SUMF2: variants seen among roughly 807,000 people sequenced by gnomAD.
SUMF2 encodes inactive C-alpha-formylglycine-generating enzyme 2.
A neutral mutation model predicts 44.8 loss-of-function variants in SUMF2; 45 were observed. The ratio of observed to expected loss-of-function variants is 1.00; its 90% CI spans 0.79 to 1.29. The LOEUF is 1.29. SUMF2 is among the 50% of genes most tolerant of loss of function. The pLI, the probability that SUMF2 is intolerant of heterozygous loss-of-function variation, is 0.00. For synonymous variants in SUMF2, 148 were observed against 150.4 expected (o/e 0.98, Z 0.12); for missense variants, 418 against 389.9 (o/e 1.07, Z -0.61).
chr7:56,076,794 C>G (rs772583556), intron 5 of SUMF2, 40 bp from the exon 6 acceptor site: 1 of 1,546,778 alleles, frequency 6.5e-7, no homozygotes, highest in Non-Finnish European at 8.8e-7. Context: ...CCTAATTCTT[C>G]ACCTCCCCCT....
chr7:56,078,393 G>A lies in SUMF2; in HGVS notation c.706G>A (p.Glu236Lys). The A allele has an allele frequency of 6.2e-7, 1 of 1,611,480 alleles. No individual in the cohort carries two copies. Among genetic ancestry groups the A allele is most frequent in the Admixed American group, 1.7e-5 (1 of 59,724 alleles). The change falls in exon 8 of 9, where the codon GAG becomes AAG. Residue 236 changes from glutamate (E) to lysine (K), a missense_variant. Physicochemically the swap from Glu to Lys is moderately conservative, Grantham distance 56. Coordinates refer to ENST00000434526, the MANE Select transcript of SUMF2 (RefSeq NM_015411.4). ...GLYDLLGNVW[E>K]WTASPYQAAE... is the part of the protein sequence containing the mutation. ...CTATGACCTCCTGGGGAACGTGTGG[G>A]AGTGGACAGCATCACCGTACCAGGC...
downstream of SUMF2, chr7:56,081,834 G>C (rs544486646): frequency 1.2e-6 from 2 of 1,609,252 alleles, no homozygotes; most frequent in East Asian, 4.5e-5. This position sits in a 1 kb window ranked among gnomAD's most constrained non-coding sequence, Gnocchi z 4.6. Flanking sequence ...GGCCTCCCCG[G>C]GCAGGGGCGC....
chr7:56,064,718 A>C (rs1209892535), intron 1 of SUMF2, among the ~76,000 whole-genome samples: 1 of 149,568 alleles, frequency 6.7e-6, no homozygotes, highest in Non-Finnish European at 1.5e-5. Flanking sequence ...AAAAATACAA[A>C]AACAAAAAAA....
At chr7:56,087,037 T>C in the SUMF2 span, 22 of 1,610,854 alleles carry the variant, frequency 1.4e-5, no homozygotes, top group Non-Finnish European at 1.7e-5. Context: ...GAAATGGAAA[T>C]GGCTAGCTTG....
At position 56,078,434 on chromosome 7, in the gene SUMF2, G is replaced by A. The variant is rs1472303210; in HGVS notation, c.747G>A (p.Met249Ile). ...CGTACCAGGCTGCTGAGCAGGACATGCGCGTCCTCCGGGGGGCATCCTGGA... is the reference window on the plus strand; with the variant it reads ...CGTACCAGGCTGCTGAGCAGGACATACGCGTCCTCCGGGGGGCATCCTGGA... ...ASPYQAAEQD[M>I]RVLRGASWID... Residue 249 changes from methionine (M) to isoleucine (I), a missense_variant, in exon 8 of 9, where the codon ATG becomes ATA. Coordinates refer to ENST00000434526, the MANE Select transcript of SUMF2 (RefSeq NM_015411.4). 1 of 1,610,938 alleles carries A rather than the reference G, an allele frequency of 6.2e-7. No homozygotes were observed. The highest frequency in any genetic ancestry group is 1.3e-5 in the African/African-American group (1 of 74,950).
downstream of SUMF2, chr7:56,081,672 C>G: frequency 6.2e-7 from 1 of 1,613,890 alleles, no homozygotes; most frequent in South Asian, 1.1e-5. This position sits in a 1 kb window ranked among gnomAD's most constrained non-coding sequence, Gnocchi z 4.6. Context: ...CTTCCTCCAC[C>G]AAGTACTGCT....
chr7:56,074,478 T>C (rs1795398823), intron 4 of SUMF2, 108 bp from the exon 5 acceptor site: 1 of 1,429,032 alleles, frequency 7.0e-7, no homozygotes, highest in East Asian at 2.3e-5. Context: ...CTCTTCCAGC[T>C]CTCTTGCTCC....
intron 1 of SUMF2, among the ~76,000 whole-genome samples, chr7:56,068,097 A>T (rs960731571): frequency 1.4e-5 from 2 of 138,280 alleles, no homozygotes; most frequent in Non-Finnish European, 3.0e-5. Context: ...GCAGTGGCAC[A>T]CTCTCGGCTC....
At chr7:56,086,020 T>C in the SUMF2 span, among the ~76,000 whole-genome samples, 1 of 151,084 alleles carries the variant, frequency 6.6e-6, no homozygotes, top group Non-Finnish European at 1.5e-5. Flanking sequence ...CCTCCCAGTC[T>C]TGACCCTCCA....
rs747623236 is a variant in SUMF2, at chr7:56,080,058, T to C, written c.*446T>C. On this transcript the variant is annotated 3_prime_UTR_variant, in exon 9 of 9. Transcript: ENST00000434526. ...TTGCTGTGGAAGGAGAATGCTTTCT[T>C]TGTGGCCTCATCTGTGGTTTCGTGT... 1.6e-5 allele frequency: 10 copies of C among 622,972 alleles called. No homozygotes were observed. Among genetic ancestry groups the C allele is most frequent in the Non-Finnish European group, 1.7e-5 (6 of 363,618 alleles). 38.6% of individuals were successfully genotyped at this position (622,972 alleles called of 1,614,324 possible). A position where few individuals can be genotyped will look rare whatever the true frequency, so the allele number is the denominator to read the frequency against.
At chr7:56,085,996 T>C in the SUMF2 span, among the ~76,000 whole-genome samples, 1 of 147,468 alleles carries the variant, frequency 6.8e-6, no homozygotes, top group Non-Finnish European at 1.5e-5. Flanking sequence ...AAAAAGTAAA[T>C]CAGATCATGT....
intron 5 of SUMF2, 163 bp downstream of exon 5, chr7:56,074,899 A>G (rs2117464019): frequency 3.6e-6 from 3 of 827,458 alleles, no homozygotes; most frequent in South Asian, 3.5e-5. Context: ...GGAGTAAAAG[A>G]CTAGCCTGGG....
downstream of SUMF2, chr7:56,081,780 GAGAATGTCA>G (rs200265462): frequency 5.0e-6 from 8 of 1,609,986 alleles, no homozygotes; most frequent in East Asian, 2.2e-5. The surrounding 1 kb of genome is among the most constrained non-coding windows in gnomAD (Gnocchi z 4.6). Context: ...GAGGGGAACC[GAGAATGTCA>G]AGGCAGGTCC....
downstream of SUMF2, chr7:56,081,061 T>A: frequency 6.2e-7 from 1 of 1,612,194 alleles, no homozygotes; most frequent in Non-Finnish European, 8.5e-7. This position sits in a 1 kb window ranked among gnomAD's most constrained non-coding sequence, Gnocchi z 4.6. Context: ...CCCTCAGTAG[T>A]CCTCCTCGGC....
downstream of SUMF2, chr7:56,080,932 G>T (rs540521977): frequency 9.8e-4 from 1,172 of 1,200,160 alleles, 2 homozygotes; most frequent in Non-Finnish European, 1.3e-3. Flanking sequence ...AGTTCCAGGG[G>T]TTCCTGGCCA....
chr7:56,079,906 A>C lies in SUMF2; in HGVS notation c.*294A>C. The C allele has an allele frequency of 6.7e-7, 1 of 1,485,006 alleles. No individual in the cohort carries two copies. Among genetic ancestry groups the C allele is most frequent in the African/African-American group, 1.4e-5 (1 of 70,900 alleles). The allele number at this position is 1,485,006 out of a possible 1,614,324, so 92.0% of individuals were successfully genotyped here. A position where few individuals can be genotyped will look rare whatever the true frequency, so the allele number is the denominator to read the frequency against. The stretch of plus-strand genomic sequence containing the variant: ...GCAAACACACAAACAATTGGAACAG[A>C]GCACTCTGAAAGGCCATTTTTTAAG... On this transcript the variant is annotated 3_prime_UTR_variant, in exon 9 of 9. Coordinates refer to ENST00000434526, the MANE Select transcript of SUMF2 (RefSeq NM_015411.4).
At position 56,078,228 on chromosome 7, in the gene SUMF2, C is replaced by T. The variant is rs1450526680; in HGVS notation, c.676+42C>T. 3 of 1,586,148 alleles carry T rather than the reference C, an allele frequency of 1.9e-6. No homozygotes were observed. The East Asian group carries it at 6.8e-5, about 36-fold the overall frequency. On this transcript the variant is annotated intron_variant, in intron 7 of 8. Transcript: ENST00000434526. ...GCTTGCGGCTGTGCCCATGAACTGG[C>T]TGTTGGGACCATCATGTCTGAGAGA...
chr7:56,083,688 G>T, downstream of SUMF2: 1 of 1,584,930 alleles, frequency 6.3e-7, no homozygotes, highest in Non-Finnish European at 8.6e-7. Context: ...TCTCAGTGAG[G>T]TAGTCAAAGA....
At chr7:56,087,033 G>A in the SUMF2 span, 2 of 1,611,852 alleles carry the variant, frequency 1.2e-6, no homozygotes, top group Non-Finnish European at 1.7e-6. Flanking sequence ...TACTGAAATG[G>A]AAATGGCTAG....
Sources: gnomAD v4.1 joint callset for allele counts (sites outside exome capture counted in the v4.1 genomes callset) on GRCh38, gnomAD v4.1.1 for gene constraint, Gnocchi (gnomAD v3.1) non-coding constraint, MANE v1.5 for transcripts, NCBI Gene and HGNC (gene_info 2026-07-23, HGNC 2026-07-21) for gene names.